SHB: variants seen among roughly 807,000 people sequenced by gnomAD.
SHB encodes the protein SH2 domain containing adaptor protein B.
SHB carries 20 observed loss-of-function variants against 52.3 expected under a neutral mutation model. The ratio of observed to expected loss-of-function variants is 0.38; its 90% CI spans 0.27 to 0.56. SHB has a LOEUF of 0.56. Among genes scored for constraint, SHB ranks in the 20% least tolerant of loss-of-function variants. The probability of loss-of-function intolerance (pLI) is 0.71; values close to 1 mark genes in which losing one functional copy is unlikely to be tolerated. For missense variants in SHB, 825 were observed against 723.3 expected, an observed-to-expected ratio of 1.14 and a Z score of -1.61; for synonymous variants, 397 against 316.5, an observed-to-expected ratio of 1.25 and a Z score of -2.70.
chr9:37,951,117 A>G (rs909270838), intron 4 of SHB, among the ~76,000 whole-genome samples: 3 of 152,206 alleles, frequency 2.0e-5, no homozygotes, highest in Non-Finnish European at 2.9e-5. Context: ...CCTAAGAAAA[A>G]AAATCAACTT....
intron 5 of SHB, among the ~76,000 whole-genome samples, chr9:37,923,480 G>C (rs1832208141): frequency 6.6e-6 from 1 of 152,206 alleles, no homozygotes; most frequent in Non-Finnish European, 1.5e-5. Context: ...GAGACTATCT[G>C]CCAATCCTCG....
chr9:38,008,285 T>C (rs1047554419), intron 2 of SHB, among the ~76,000 whole-genome samples: 1 of 152,128 alleles, frequency 6.6e-6, no homozygotes, highest in African/African-American at 2.4e-5. Flanking sequence ...GGCCCGCTGG[T>C]CGCCATGGAA....
chr9:37,974,942 G>A, intron 2 of SHB, 105 bp from the exon 3 acceptor site: 1 of 919,970 alleles, frequency 1.1e-6, no homozygotes, highest in Non-Finnish European at 1.7e-6. Context: ...GCGGGGAGGT[G>A]AGAACGACAG....
chr9:37,920,148 A>G (rs1832159917), intron 5 of SHB, 144 bp from the exon 6 acceptor site: 4 of 651,944 alleles, frequency 6.1e-6, no homozygotes, highest in Admixed American at 2.8e-5. Flanking sequence ...ACCGAGGCCC[A>G]GGACCAGATG....
At chr9:37,980,782 T>C in intron 2 of SHB, among the ~76,000 whole-genome samples, 1 of 152,244 alleles carries the variant, frequency 6.6e-6, no homozygotes. Context: ...GCGGAATGGA[T>C]GTTGTGTTAG....
At chr9:38,065,152 C>T (rs1204467369) in intron 1 of SHB, among the ~76,000 whole-genome samples, 1 of 152,104 alleles carries the variant, frequency 6.6e-6, no homozygotes, top group East Asian at 1.9e-4. Flanking sequence ...TTCCTGGATC[C>T]ATGAGTGAGG....
intron 2 of SHB, among the ~76,000 whole-genome samples, chr9:37,994,022 CG>C (rs779383284): frequency 2.0e-5 from 3 of 152,188 alleles, no homozygotes; most frequent in Non-Finnish European, 4.4e-5. Context: ...GACAGCACCC[CG>C]TCTCCTTTGC....
chr9:37,956,212 G>T (rs1390465123), intron 3 of SHB, among the ~76,000 whole-genome samples, 158 bp from the exon 4 acceptor site: 2 of 152,170 alleles, frequency 1.3e-5, no homozygotes, highest in African/African-American at 4.8e-5. Context: ...AAAGATTTTG[G>T]CTTCCTAAGA....
At chr9:37,957,453 C>T (rs1384003050) in intron 3 of SHB, among the ~76,000 whole-genome samples, 1 of 152,180 alleles carries the variant, frequency 6.6e-6, no homozygotes, top group Non-Finnish European at 1.5e-5. Flanking sequence ...GCATTTCTGT[C>T]CCTCTAAGAC....
intron 1 of SHB, among the ~76,000 whole-genome samples, chr9:38,031,391 A>C (rs1821411094): frequency 6.6e-6 from 1 of 152,224 alleles, no homozygotes; most frequent in African/African-American, 2.4e-5. Context: ...TAAAAAGGTA[A>C]AAAGGAAATT....
intron 2 of SHB, among the ~76,000 whole-genome samples, chr9:38,000,609 T>C (rs1370246481): frequency 6.6e-6 from 1 of 152,238 alleles, no homozygotes; most frequent in Non-Finnish European, 1.5e-5. Flanking sequence ...GCTGATTCTG[T>C]CTGCAACGCT....
intron 1 of SHB, among the ~76,000 whole-genome samples, chr9:38,039,936 G>A (rs1406451393): frequency 6.6e-6 from 1 of 152,248 alleles, no homozygotes. Flanking sequence ...CTAGGCCCCA[G>A]TCTTATTTTA....
At chr9:38,027,479 T>C (rs1821358033) in intron 1 of SHB, among the ~76,000 whole-genome samples, 1 of 151,988 alleles carries the variant, frequency 6.6e-6, no homozygotes. Flanking sequence ...TGCCTTTTAG[T>C]CTGGGGAACC....
chr9:37,955,408 T>C (rs1479234577), intron 4 of SHB, among the ~76,000 whole-genome samples: 3 of 152,252 alleles, frequency 2.0e-5, no homozygotes, highest in Non-Finnish European at 4.4e-5. Context: ...AACCTGCCCA[T>C]GTATACACAG....
At chr9:38,067,345 G>A (rs760300499) in intron 1 of SHB, among the ~76,000 whole-genome samples, 63 of 152,284 alleles carry the variant, frequency 4.1e-4, no homozygotes, top group Non-Finnish European at 7.2e-4. Flanking sequence ...CACGCGTGGA[G>A]GTTCCCGGAG....
intron 1 of SHB, among the ~76,000 whole-genome samples, chr9:38,061,348 C>G (rs970195960): frequency 6.6e-6 from 1 of 151,956 alleles, no homozygotes; most frequent in African/African-American, 2.4e-5. Flanking sequence ...AATACATCAC[C>G]CCTACCACCA....
At chr9:38,064,046 C>T (rs1210944329) in intron 1 of SHB, among the ~76,000 whole-genome samples, 1 of 151,428 alleles carries the variant, frequency 6.6e-6, no homozygotes, top group Non-Finnish European at 1.5e-5. Context: ...ACCTGTTTGG[C>T]TGCACAAAAG....
chr9:38,008,138 C>A (rs147038523), intron 2 of SHB, among the ~76,000 whole-genome samples: 1,866 of 152,330 alleles, frequency 0.012, 36 homozygotes, highest in Admixed American at 0.045. Flanking sequence ...AGCGGGGGTG[C>A]TATCAATGAC....
chr9:37,938,813 G>C (rs1312377277), intron 5 of SHB, among the ~76,000 whole-genome samples: 2 of 152,242 alleles, frequency 1.3e-5, no homozygotes, highest in Non-Finnish European at 2.9e-5. Flanking sequence ...TGCCGGGTTG[G>C]GGGGTGGTGC....
Sources: allele counts gnomAD v4.1 joint callset (sites outside exome capture counted in the v4.1 genomes callset), GRCh38; gene constraint gnomAD v4.1.1; transcripts MANE v1.5; gene names NCBI Gene and HGNC (gene_info 2026-07-23, HGNC 2026-07-21).